Variants in NKTR observed in about 807,000 individuals in gnomAD.
NKTR encodes NK-tumor recognition protein.
NKTR carries 67 observed loss-of-function variants against 156.3 expected under a neutral mutation model. That is an observed-to-expected ratio of 0.43 (90% CI 0.35 to 0.53). The LOEUF is 0.53. NKTR is among the 20% of genes least tolerant of loss of function. The pLI is 0.01. For missense variants in NKTR, 1,604 were observed against 1,730.9 expected (o/e 0.93, Z 1.30); for synonymous variants, 640 against 596.6 (o/e 1.07, Z -1.06).
chr3:42,632,430 C>T (rs1709007120), intron 8 of NKTR, 171 bp from the exon 9 acceptor site: 2 of 552,242 alleles, frequency 3.6e-6, no homozygotes, highest in Non-Finnish European at 6.4e-6. Context: ...GGACTTACTA[C>T]CTTACAATCT....
rs746808744 is a variant in NKTR at position 42,638,816 on chromosome 3, G to A, written c.3112G>A (p.Glu1038Lys). ...EEIDDKQVTQ[E>K]SKEKKVSENN... ...GATTGATGACAAGCAAGTTACTCAG[G>A]AATCAAAAGAGAAAAAAGTTTCTGA... The change falls in exon 13 of 17, where the codon GAA becomes AAA. Residue 1038 changes from glutamate to lysine, a missense_variant. Transcript: ENST00000232978. 1.2e-6 allele frequency: 2 copies of A among 1,603,724 alleles called. No homozygotes were observed. The highest frequency in any genetic ancestry group is 1.1e-5 in the South Asian group (1 of 88,514).
chr3:42,627,459 G>A (rs1032928447), intron 6 of NKTR: 1 of 985,196 alleles, frequency 1.0e-6, no homozygotes, highest in East Asian at 1.1e-4. Flanking sequence ...GTGGGGGAGT[G>A]GGGTTATTAG....
chr3:42,614,548 T>C (rs1707163808), intron 2 of NKTR, among the ~76,000 whole-genome samples: 2 of 152,044 alleles, frequency 1.3e-5, no homozygotes, highest in African/African-American at 4.8e-5. Context: ...CAATAAAAAA[T>C]ATTTGTTGAA....
intron 6 of NKTR, among the ~76,000 whole-genome samples, chr3:42,625,280 C>A (rs1457944767): frequency 6.6e-6 from 1 of 152,100 alleles, no homozygotes; most frequent in Non-Finnish European, 1.5e-5. Context: ...TCTGCAGACC[C>A]TGCAAGAACA....
intron 6 of NKTR, chr3:42,629,010 C>T: frequency 1.3e-6 from 1 of 771,010 alleles, no homozygotes; most frequent in Non-Finnish European, 1.6e-6. Flanking sequence ...TCAAAATAAA[C>T]AAACAAATAA....
At chr3:42,640,748 C>T (rs1039895606) in intron 13 of NKTR, among the ~76,000 whole-genome samples, 1 of 152,206 alleles carries the variant, frequency 6.6e-6, no homozygotes, top group African/African-American at 2.4e-5. Context: ...ATGGCCAGTA[C>T]CATGGCGTAT....
At chr3:42,624,241 C>A (rs1708168725) in intron 6 of NKTR, among the ~76,000 whole-genome samples, 1 of 150,984 alleles carries the variant, frequency 6.6e-6, no homozygotes, top group African/African-American at 2.4e-5. Context: ...AATGATTTTG[C>A]TCTCGGGGGT....
At position 42,633,603 on chromosome 3, in the gene NKTR, A is replaced by G. The variant is rs760271621; in HGVS notation, c.797A>G (p.Asn266Ser). The change falls in exon 10 of 17, where the codon AAT becomes AGT. Residue 266 changes from asparagine to serine, a missense_variant. By Grantham distance (46) the Asn-to-Ser change is conservative. Transcript: ENST00000232978. ...AGTCACTCTGAGAGGAGTGATACCA[A>G]TGAAAAAAGGTCAGTTGATTCCAGT... ...PKGHSERSDT[N>S]EKRSVDSSAK... The G allele has an allele frequency of 1.2e-6, 2 of 1,614,118 alleles. No individual in the cohort carries two copies. The highest frequency in any genetic ancestry group is 1.1e-5 in the South Asian group (1 of 91,084).
intron 15 of NKTR, chr3:42,643,663 G>A (rs774438984): frequency 4.5e-6 from 3 of 663,544 alleles, no homozygotes; most frequent in East Asian, 2.7e-5. Flanking sequence ...AAACTAACTC[G>A]TTAACTTTGT....
At chr3:42,608,238 A>G (rs1041816394) in intron 2 of NKTR, among the ~76,000 whole-genome samples, 1 of 151,468 alleles carries the variant, frequency 6.6e-6, no homozygotes, top group East Asian at 1.9e-4. Context: ...TAATCCACCC[A>G]CCTCGGCCTC....
intron 2 of NKTR, 71 bp downstream of exon 2, chr3:42,601,135 G>A: frequency 1.5e-6 from 2 of 1,297,826 alleles, no homozygotes; most frequent in Non-Finnish European, 2.1e-6. Flanking sequence ...TCTACCCTCA[G>A]CAACCCTCCC....
chr3:42,643,476 T>TTTA (rs1194965271), intron 15 of NKTR, 81 bp downstream of exon 15: 1 of 1,144,474 alleles, frequency 8.7e-7, no homozygotes, highest in Non-Finnish European at 1.3e-6. Context: ...AAAGTGGTAT[T>TTTA]TTATTGAGTA....
chr3:42,623,350 C>T (rs1451279287), intron 6 of NKTR, among the ~76,000 whole-genome samples: 6 of 151,958 alleles, frequency 3.9e-5, no homozygotes, highest in Admixed American at 1.3e-4. Context: ...TTTGAAATTT[C>T]CTTCTGGAAA....
intron 2 of NKTR, among the ~76,000 whole-genome samples, chr3:42,603,689 A>G (rs1442746347): frequency 6.6e-6 from 1 of 151,074 alleles, no homozygotes; most frequent in Admixed American, 6.6e-5. Context: ...TGAAATAACT[A>G]GCACTTTTTG....
chr3:42,635,189 T>A lies in NKTR; in HGVS notation c.1018-32T>A, dbSNP rs1709284941. The stretch of plus-strand genomic sequence containing the variant: ...ATAGCAGACTGTCGTGGAGAGGCAT[T>A]TTTTAAAATACTATTGTTTTTGTTT... On this transcript the variant is annotated intron_variant, in intron 11 of 16. Coordinates refer to ENST00000232978, the MANE Select transcript of NKTR (RefSeq NM_005385.4). 1.4e-5 allele frequency: 23 copies of A among 1,594,744 alleles called. 1 individual carries two copies. The East Asian group carries it at 5.2e-4, about 36-fold the overall frequency.
chr3:42,631,350 A>T lies in NKTR; in HGVS notation c.550+34A>T. Reference sequence around the variant, plus strand: ...TTTTTTGACAGTAGATGAAGCTAAGATGCAGGTAAAGCATTGCTGAAGACT... The same window carrying T: ...TTTTTTGACAGTAGATGAAGCTAAGTTGCAGGTAAAGCATTGCTGAAGACT... On this transcript the variant is annotated intron_variant, in intron 8 of 16. Coordinates refer to ENST00000232978, the MANE Select transcript of NKTR (RefSeq NM_005385.4). 6 of 1,607,938 alleles carry T rather than the reference A, an allele frequency of 3.7e-6. No homozygotes were observed. In the South Asian group the frequency reaches 6.6e-5, roughly 18 times the overall value.
At chr3:42,644,773 A>G (rs1710214603) in intron 16 of NKTR, among the ~76,000 whole-genome samples, 2 of 151,910 alleles carry the variant, frequency 1.3e-5, no homozygotes, top group African/African-American at 4.8e-5. Context: ...GCCACTTGAA[A>G]TGGCCAGTTC....
At chr3:42,619,358 CT>C in intron 4 of NKTR, 22 of 1,194,750 alleles carry the variant, frequency 1.8e-5, no homozygotes, top group Non-Finnish European at 2.4e-5. Context: ...ATTATAGTTA[CT>C]TAGTGAATTC....
chr3:42,600,924 C>G (rs1379830220), intron 1 of NKTR, 60 bp from the exon 2 acceptor site: 1 of 1,099,782 alleles, frequency 9.1e-7, no homozygotes, highest in African/African-American at 1.6e-5. Flanking sequence ...CCGCCCTCGC[C>G]CCTGCCCTCG....
Sources: gnomAD v4.1 joint callset for allele counts (sites outside exome capture counted in the v4.1 genomes callset) on GRCh38, gnomAD v4.1.1 for gene constraint, MANE v1.5 for transcripts, NCBI Gene and HGNC (gene_info 2026-07-23, HGNC 2026-07-21) for gene names.